The following AP2A2 variants were observed in gnomAD, a reference collection of about 807,000 sequenced individuals.
AP2A2 encodes the protein AP-2 complex subunit alpha-2.
Under a neutral mutation model 104.2 loss-of-function variants are expected in AP2A2, and 32 were observed. The ratio of observed to expected loss-of-function variants is 0.31; its 90% CI spans 0.23 to 0.41. AP2A2 has a LOEUF of 0.41. Among genes scored for constraint, AP2A2 ranks in the 10% least tolerant of loss-of-function variants. The pLI is 1.00. For missense variants in AP2A2, 912 were observed against 1,261.0 expected, an observed-to-expected ratio of 0.72 and a Z score of 4.19; for synonymous variants, 539 against 533.3, an observed-to-expected ratio of 1.01 and a Z score of -0.15.
At chr11:981,378 C>A in intron 6 of AP2A2, 79 bp downstream of exon 6, 3 of 1,221,740 alleles carry the variant, frequency 2.5e-6, no homozygotes, top group Non-Finnish European at 3.5e-6. Flanking sequence ...TTGTAGAATG[C>A]AAGGTATTTG....
intron 10 of AP2A2, among the ~76,000 whole-genome samples, chr11:989,290 G>A (rs1022492395): frequency 6.6e-6 from 1 of 151,860 alleles, no homozygotes. Context: ...CCGAGATTGC[G>A]CCATTGCACT....
chr11:1,008,902 C>T, intron 18 of AP2A2, 198 bp from the exon 19 acceptor site: 1 of 598,900 alleles, frequency 1.7e-6, no homozygotes, highest in South Asian at 2.0e-5. Context: ...GTATGCGGCC[C>T]TGGCCTGTCC....
chr11:936,399 ATTAG>A (rs1853460999), intron 1 of AP2A2, among the ~76,000 whole-genome samples: 1 of 151,108 alleles, frequency 6.6e-6, no homozygotes, highest in Non-Finnish European at 1.5e-5. Context: ...AAATAAATAA[ATTAG>A]TTATTTATTG....
At chr11:1,008,298 C>T in intron 18 of AP2A2, 163 bp downstream of exon 18, 1 of 1,111,466 alleles carries the variant, frequency 9.0e-7, no homozygotes, top group Non-Finnish European at 1.2e-6. Context: ...CCCGGCTCTG[C>T]AGAGCGCAGG....
At chr11:946,231 G>C (rs1853827629) in intron 1 of AP2A2, among the ~76,000 whole-genome samples, 1 of 152,130 alleles carries the variant, frequency 6.6e-6, no homozygotes, top group African/African-American at 2.4e-5. Context: ...CCAGCTCCGT[G>C]GTAACCATGG....
At position 993,154 on chromosome 11, in the gene AP2A2, C is replaced by T. The variant is rs926711482; in HGVS notation, c.1453-130C>T. 50 of 667,542 alleles carry T rather than the reference C, an allele frequency of 7.5e-5. No individual in the cohort carries two copies. The East Asian group carries it at 1.4e-3, about 19-fold the overall frequency. 41.4% of individuals were successfully genotyped at this position (667,542 alleles called of 1,614,324 possible). A position where few individuals can be genotyped will look rare whatever the true frequency, so the allele number is the denominator to read the frequency against. On this transcript the variant is annotated intron_variant, in intron 11 of 21. Coordinates refer to ENST00000448903, the MANE Select transcript of AP2A2 (RefSeq NM_012305.4). This position sits in a 1 kb window ranked among gnomAD's most constrained non-coding sequence, Gnocchi z 8.2. Reference sequence around the variant, plus strand: ...GGGTGCTGAGGAAGGCAGGGATGGGCACTTGGACTGGGGTCTCCAGGAAGC... The same window carrying T: ...GGGTGCTGAGGAAGGCAGGGATGGGTACTTGGACTGGGGTCTCCAGGAAGC...
chr11:955,477 G>A (rs569083027), intron 1 of AP2A2, among the ~76,000 whole-genome samples: 1 of 152,334 alleles, frequency 6.6e-6, no homozygotes, highest in East Asian at 1.9e-4. Context: ...GAGACGCTGG[G>A]CAGCCTGCCC....
chr11:926,724 G>A (rs1853132955), intron 1 of AP2A2, among the ~76,000 whole-genome samples: 1 of 152,168 alleles, frequency 6.6e-6, no homozygotes, highest in African/African-American at 2.4e-5. Flanking sequence ...CTCATTCCCG[G>A]AGGGAATCTG....
At chr11:999,307 T>G (rs1461183089) in intron 14 of AP2A2, among the ~76,000 whole-genome samples, 5 of 152,050 alleles carry the variant, frequency 3.3e-5, no homozygotes, top group African/African-American at 7.2e-5. Context: ...AGGTCAAGAG[T>G]TCGAGACCAA....
chr11:958,739 A>G (rs968520466), intron 1 of AP2A2, among the ~76,000 whole-genome samples: 4 of 152,138 alleles, frequency 2.6e-5, no homozygotes, highest in African/African-American at 9.7e-5. Flanking sequence ...GGCCCACCTC[A>G]TGACCCCATC....
At chr11:990,181 C>T (rs1855598731) in intron 10 of AP2A2, among the ~76,000 whole-genome samples, 4 of 152,186 alleles carry the variant, frequency 2.6e-5, no homozygotes, top group Admixed American at 6.5e-5. Context: ...GCGGCTCTCA[C>T]GCTGGACTGT....
At chr11:941,434 A>G (rs1405268713) in intron 1 of AP2A2, among the ~76,000 whole-genome samples, 1 of 152,040 alleles carries the variant, frequency 6.6e-6, no homozygotes, top group Non-Finnish European at 1.5e-5. Flanking sequence ...GGGGAGGAAT[A>G]ATTTGACTTT....
rs1300399270 is a variant in AP2A2 at position 991,805 on chromosome 11, C to T, written c.1270-698C>T. On this transcript the variant is annotated intron_variant, in intron 10 of 21. Coordinates refer to ENST00000448903, the MANE Select transcript of AP2A2 (RefSeq NM_012305.4). Reference sequence around the variant, plus strand: ...GGGGCGGCAGGGTATTAGGGGTGCCCTCGGGAGGTGCGCGGTCTTGATGCC... The same window carrying T: ...GGGGCGGCAGGGTATTAGGGGTGCCTTCGGGAGGTGCGCGGTCTTGATGCC... 2.0e-5 allele frequency among the ~76,000 whole-genome samples: 3 copies of T among 151,972 alleles called. No individual in the cohort carries two copies. In the East Asian group the frequency reaches 5.8e-4, roughly 29 times the overall value.
At position 977,206 on chromosome 11, in the gene AP2A2, G is replaced by A; in HGVS notation, c.585G>A (p.Leu195=). 6.2e-7 allele frequency: 1 copy of A among 1,605,034 alleles called. No homozygotes were observed. The highest frequency in any genetic ancestry group is 1.1e-5 in the South Asian group (1 of 90,258). Residue 195 remains leucine (L), a synonymous_variant, in exon 5 of 22, where the codon CTG becomes CTA. Coordinates refer to ENST00000448903, the MANE Select transcript of AP2A2 (RefSeq NM_012305.4). ...ACTGGACATCCCGAGTGGTGCACCT[G>A]CTCAATGACCAGCACTTGGTAAGCA... ...MGDWTSRVVH[L]LNDQHLGVVT...
intron 6 of AP2A2, among the ~76,000 whole-genome samples, chr11:984,169 G>A (rs1290972720): frequency 6.6e-6 from 1 of 152,198 alleles, no homozygotes; most frequent in Non-Finnish European, 1.5e-5. Context: ...GCCAAAGGCC[G>A]CATTGGACAC....
chr11:946,694 T>C, intron 1 of AP2A2: 1 of 145,346 alleles, frequency 6.9e-6, no homozygotes, highest in Non-Finnish European at 1.5e-5. Flanking sequence ...TGCTTGAACC[T>C]GGGAGGCGGA....
chr11:1,008,026 A>C lies in AP2A2; in HGVS notation c.2311A>C (p.Thr771Pro). 6.4e-7 allele frequency: 1 copy of C among 1,560,482 alleles called. No homozygotes were observed. The highest frequency in any genetic ancestry group is 1.7e-4 in the Middle Eastern group (1 of 6,006). Residue 771 changes from threonine (T) to proline (P), a missense_variant, in exon 18 of 22, where the codon ACC (threonine) becomes CCC (proline). By Grantham distance (38) the Thr-to-Pro change is conservative (BLOSUM62 -1). Transcript: ENST00000448903. ...AACGCACGCACACCTGAACCTGCAG[A>C]CCAAGCCCGTGGACCCGACCGTGGA... The part of the protein sequence containing the change: ...DDLQPNLNLQ[T>P]KPVDPTVEGG...
chr11:1,009,634 T>TCTGGAGGGGCGGCCCCGGGGGACACGCA (rs1856350119), intron 20 of AP2A2, 49 bp from the exon 21 acceptor site: 2 of 1,404,522 alleles, frequency 1.4e-6, no homozygotes, highest in Admixed American at 2.1e-5. Flanking sequence ...GGGGACACGC[T>TCTGGAGGGGCGGCCCCGGGGGACACGCA]GCCCGCGACC....
intron 5 of AP2A2, 110 bp from the exon 6 acceptor site, chr11:981,088 T>A: frequency 1.2e-6 from 1 of 803,824 alleles, no homozygotes; most frequent in Non-Finnish European, 2.0e-6. Context: ...CCGAGGTGGC[T>A]GTGGGCTGCC....
Sources: gnomAD v4.1 joint callset for allele counts (sites outside exome capture counted in the v4.1 genomes callset) on GRCh38, gnomAD v4.1.1 for gene constraint, Gnocchi (gnomAD v3.1) non-coding constraint, MANE v1.5 for transcripts, NCBI Gene and HGNC (gene_info 2026-07-23, HGNC 2026-07-21) for gene names.